The following P2RX7 variants were observed in gnomAD, a reference collection of about 807,000 sequenced individuals.
The protein encoded by P2RX7 is P2X purinoceptor 7.
A neutral mutation model predicts 71.6 loss-of-function variants in P2RX7; 62 were observed. The ratio of observed to expected loss-of-function variants is 0.87; its 90% CI spans 0.71 to 1.07. P2RX7 has a LOEUF of 1.07. Ranked by LOEUF, P2RX7 falls within the 50% of genes least tolerant of loss-of-function variation. P2RX7 has a pLI of 0.00. For missense variants in P2RX7, 686 were observed against 748.5 expected, an observed-to-expected ratio of 0.92 and a Z score of 0.97; for synonymous variants, 299 against 283.3, an observed-to-expected ratio of 1.06 and a Z score of -0.56.
intron 8 of P2RX7, among the ~76,000 whole-genome samples, chr12:121,169,253 C>T (rs1653612): frequency 0.36 from 53,993 of 151,796 alleles, 9,893 homozygotes; most frequent in Non-Finnish European, 0.4. Flanking sequence ...AGGTGTAAGC[C>T]ACTGCACCTG....
chr12:121,154,302 A>G lies in P2RX7; in HGVS notation c.126-483A>G, dbSNP rs960897184. ...CAAAACTCTGTTTCAAAAAAAAAAA[A>G]AGAGAGAGAGAGAGAGTAGCTGCCA... On this transcript the variant is annotated intron_variant, in intron 1 of 12. Coordinates refer to ENST00000328963, the MANE Select transcript of P2RX7 (RefSeq NM_002562.6). This position sits in a 1 kb window ranked among gnomAD's most constrained non-coding sequence, Gnocchi z 4.2. Among the ~76,000 whole-genome samples, 7 of 151,334 alleles carry G rather than the reference A, an allele frequency of 4.6e-5. No individual in the cohort carries two copies. The highest frequency in any genetic ancestry group is 1.9e-4 in the East Asian group (1 of 5,168).
At chr12:121,166,984 A>G (rs1214753794) in intron 7 of P2RX7, among the ~76,000 whole-genome samples, 1 of 151,254 alleles carries the variant, frequency 6.6e-6, no homozygotes, top group African/African-American at 2.4e-5. Context: ...CCTGGGAGGC[A>G]GAGGTTGCAG....
At chr12:121,150,881 C>A (rs1387682411) in intron 1 of P2RX7, among the ~76,000 whole-genome samples, 1 of 152,106 alleles carries the variant, frequency 6.6e-6, no homozygotes, top group Non-Finnish European at 1.5e-5. Flanking sequence ...TGCACTCCAG[C>A]CTTGGCAACA....
chr12:121,158,473 C>G (rs1484068813), intron 3 of P2RX7, among the ~76,000 whole-genome samples: 1 of 152,212 alleles, frequency 6.6e-6, no homozygotes, highest in African/African-American at 2.4e-5. Flanking sequence ...GTCAAACTTT[C>G]TAATAGTGGC....
Position 121,177,354 on chromosome 12 carries a change from C to T in P2RX7, c.1096C>T (p.His366Tyr), listed in dbSNP as rs761838744. Residue 366 changes from histidine to tyrosine, a missense_variant, in exon 11 of 13, where the codon CAT becomes TAT. By Grantham distance (83) the His-to-Tyr change is moderately conservative (BLOSUM62 2). Transcript: ENST00000328963. ...TTACTCCAGTAACTGCTGTCGCTCC[C>T]ATATTTATCCCTGGTGCAAGTGCTG... ...DTYSSNCCRS[H>Y]IYPWCKCCQP... 1.9e-6 allele frequency: 3 copies of T among 1,613,856 alleles called. No individual in the cohort carries two copies. In the African/African-American group the frequency reaches 4.0e-5, roughly 22 times the overall value.
At chr12:121,163,374 A>G (rs1420498801) in intron 5 of P2RX7, among the ~76,000 whole-genome samples, 2 of 149,360 alleles carry the variant, frequency 1.3e-5, no homozygotes, top group Non-Finnish European at 3.0e-5. Context: ...ACACACACAC[A>G]CACAATCTAC....
At chr12:121,150,449 T>C (rs1160657717) in intron 1 of P2RX7, among the ~76,000 whole-genome samples, 1 of 152,242 alleles carries the variant, frequency 6.6e-6, no homozygotes, top group Non-Finnish European at 1.5e-5. Flanking sequence ...GAGAAAGCGC[T>C]GCATGCACCA....
chr12:121,155,754 G>A (rs2136046088), intron 2 of P2RX7, among the ~76,000 whole-genome samples: 1 of 151,868 alleles, frequency 6.6e-6, no homozygotes, highest in South Asian at 2.1e-4. Flanking sequence ...CGCCTCCCCA[G>A]GTCTCCTGAG....
intron 3 of P2RX7, among the ~76,000 whole-genome samples, chr12:121,157,329 T>C (rs929943729): frequency 1.3e-5 from 2 of 152,264 alleles, no homozygotes; most frequent in South Asian, 2.1e-4. Context: ...GCAAAAGTGC[T>C]GTCTTTGAGT....
rs1884871889 is a variant in P2RX7, at chr12:121,186,158, C to G, written c.*1356C>G. ...ACAGTGCCTGACCAGCCCCAGCTTTCAAGCCATCCAAGCCCAGTCACCAAA... is the reference window on the plus strand; with the variant it reads ...ACAGTGCCTGACCAGCCCCAGCTTTGAAGCCATCCAAGCCCAGTCACCAAA... On this transcript the variant is annotated 3_prime_UTR_variant, in exon 13 of 13. Transcript: ENST00000328963. The G allele has an allele frequency of 6.6e-6, 1 of 152,502 alleles. No homozygotes were observed. The highest frequency in any genetic ancestry group is 2.4e-5 in the African/African-American group (1 of 41,416). The allele number at this position is 152,502 out of a possible 1,614,324, so 9.4% of individuals were successfully genotyped here.
At chr12:121,160,746 G>A (rs544233225) in intron 3 of P2RX7, among the ~76,000 whole-genome samples, 156 bp from the exon 4 acceptor site, 7 of 152,268 alleles carry the variant, frequency 4.6e-5, no homozygotes, top group Admixed American at 1.3e-4. Flanking sequence ...CCATTCATCC[G>A]TCAGTGGCCA....
At chr12:121,180,573 A>T (rs1047637149) in intron 12 of P2RX7, 118 bp downstream of exon 12, 2 of 536,282 alleles carry the variant, frequency 3.7e-6, no homozygotes, top group Non-Finnish European at 6.6e-6. Context: ...AAACATACTC[A>T]TATAACCGGC....
At chr12:121,155,060 C>G in intron 2 of P2RX7, 107 bp downstream of exon 2, 2 of 1,527,774 alleles carry the variant, frequency 1.3e-6, no homozygotes, top group Middle Eastern at 1.8e-4. Context: ...AACGCTGGTC[C>G]TATTTTAAAA....
At chr12:121,156,837 C>T (rs944817286) in intron 3 of P2RX7, among the ~76,000 whole-genome samples, 1 of 152,192 alleles carries the variant, frequency 6.6e-6, no homozygotes, top group African/African-American at 2.4e-5. Context: ...TCTGGAAGAG[C>T]TTCTTCCCTA....
intron 1 of P2RX7, among the ~76,000 whole-genome samples, chr12:121,139,974 C>T (rs1874506418): frequency 6.6e-6 from 1 of 152,122 alleles, no homozygotes; most frequent in Non-Finnish European, 1.5e-5. Flanking sequence ...TCAAGCGATC[C>T]GTCCGTCTTG....
At chr12:121,170,801 TTG>T (rs1467751945) in intron 8 of P2RX7, among the ~76,000 whole-genome samples, 8 of 152,120 alleles carry the variant, frequency 5.3e-5, no homozygotes, top group African/African-American at 1.7e-4. Context: ...AATAAATAAA[TTG>T]TTGAGGTCTG....
chr12:121,159,925 G>C (rs1347256467), intron 3 of P2RX7, among the ~76,000 whole-genome samples: 1 of 152,138 alleles, frequency 6.6e-6, no homozygotes, highest in Admixed American at 6.5e-5. Flanking sequence ...GTGATCCCTA[G>C]CTTCCCAGAC....
chr12:121,143,196 C>T (rs1207700919), intron 1 of P2RX7, among the ~76,000 whole-genome samples: 2 of 150,474 alleles, frequency 1.3e-5, no homozygotes, highest in Non-Finnish European at 3.0e-5. Flanking sequence ...CCAGCCTGGC[C>T]AACATGGTGA....
chr12:121,175,176 T>TTTTTTGTACA (rs201465786), intron 8 of P2RX7, among the ~76,000 whole-genome samples: 4,786 of 151,670 alleles, frequency 0.032, 251 homozygotes, highest in African/African-American at 0.11. Context: ...CCGAGCACGG[T>TTTTTTGTACA]GGTGCATGCC....
Sources: allele counts gnomAD v4.1 joint callset (sites outside exome capture counted in the v4.1 genomes callset), GRCh38; gene constraint gnomAD v4.1.1; non-coding constraint Gnocchi (gnomAD v3.1); transcripts MANE v1.5; gene names NCBI Gene and HGNC (gene_info 2026-07-23, HGNC 2026-07-21).